LOC400499: variants seen among roughly 807,000 people sequenced by gnomAD.
the LOC400499 span, among the ~76,000 whole-genome samples, chr16:11,456,010 C>A: frequency 6.6e-6 from 1 of 150,844 alleles, no homozygotes. Flanking sequence ...AAAATAAAAA[C>A]TGAAAAAATG....
the LOC400499 span, among the ~76,000 whole-genome samples, chr16:11,413,953 G>A: frequency 3.2e-4 from 48 of 152,290 alleles, no homozygotes; most frequent in South Asian, 3.5e-3. Context: ...TGGTAAGGAC[G>A]GTGCCATCCT....
At chr16:11,498,996 T>C in the LOC400499 span, among the ~76,000 whole-genome samples, 1 of 139,252 alleles carries the variant, frequency 7.2e-6, no homozygotes, top group East Asian at 2.1e-4. Flanking sequence ...CCAGATGGGT[T>C]TGTGCTCTTA....
chr16:11,402,785 C>T, the LOC400499 span, among the ~76,000 whole-genome samples: 547 of 152,272 alleles, frequency 3.6e-3, 3 homozygotes, highest in African/African-American at 0.012. Flanking sequence ...CAAGGCGCCA[C>T]GCTTGCTTTA....
the LOC400499 span, among the ~76,000 whole-genome samples, chr16:11,507,779 C>T: frequency 6.6e-6 from 1 of 151,978 alleles, no homozygotes; most frequent in African/African-American, 2.4e-5. Flanking sequence ...AAAAAACACA[C>T]AAGAATTAGC....
At chr16:11,459,872 C>T in the LOC400499 span, 4 of 1,343,196 alleles carry the variant, frequency 3.0e-6, no homozygotes, top group Middle Eastern at 1.9e-4. Flanking sequence ...TGGGGCACGG[C>T]TCTGCCGCAG....
chr16:11,456,919 G>T, the LOC400499 span: 4 of 1,536,280 alleles, frequency 2.6e-6, no homozygotes, highest in Middle Eastern at 3.3e-4. Context: ...GCCACAAACA[G>T]CGGCCGCCCA....
At chr16:11,431,875 C>T in the LOC400499 span, among the ~76,000 whole-genome samples, 2 of 152,172 alleles carry the variant, frequency 1.3e-5, no homozygotes, top group Non-Finnish European at 2.9e-5. Flanking sequence ...GGCCTTGTGA[C>T]CTACGTTTTG....
chr16:11,439,584 G>A, the LOC400499 span: 3 of 399,052 alleles, frequency 7.5e-6, no homozygotes, highest in South Asian at 1.3e-4. Flanking sequence ...ACCGAGGCCT[G>A]TTGCAGGGAG....
the LOC400499 span, among the ~76,000 whole-genome samples, chr16:11,465,766 G>C: frequency 0.48 from 70,319 of 147,466 alleles, 17,461 homozygotes; most frequent in African/African-American, 0.55. Context: ...AAGAGAAGGC[G>C]GGGGGTGGGC....
At chr16:11,450,431 A>C in the LOC400499 span, among the ~76,000 whole-genome samples, 3 of 152,158 alleles carry the variant, frequency 2.0e-5, no homozygotes, top group Admixed American at 6.6e-5. Flanking sequence ...TTTAGGTCTA[A>C]TTCTTCTACG....
chr16:11,464,499 C>A, the LOC400499 span, among the ~76,000 whole-genome samples: 2 of 152,336 alleles, frequency 1.3e-5, no homozygotes, highest in Admixed American at 1.3e-4. Context: ...ACGACCCAAC[C>A]CCTGCACACT....
chr16:11,381,378 A>G, the LOC400499 span, among the ~76,000 whole-genome samples: 2 of 151,932 alleles, frequency 1.3e-5, no homozygotes, highest in African/African-American at 4.8e-5. Context: ...TGGGAGTACA[A>G]GTGTGAGCCA....
chr16:11,407,136 C>T, the LOC400499 span: 1 of 398,346 alleles, frequency 2.5e-6, no homozygotes, highest in African/African-American at 2.1e-5. Context: ...TTTCTTTTCT[C>T]AAAGGGCTGT....
the LOC400499 span, chr16:11,462,056 G>A: frequency 7.3e-7 from 1 of 1,363,446 alleles, no homozygotes; most frequent in Non-Finnish European, 9.6e-7. Context: ...GGAGGCACTT[G>A]GGCCACCACA....
the LOC400499 span, chr16:11,384,105 C>T: frequency 2.8e-5 from 34 of 1,226,376 alleles, no homozygotes; most frequent in East Asian, 9.5e-5. Flanking sequence ...AACCCTGGGC[C>T]TACGAAGTCC....
chr16:11,482,383 G>A, the LOC400499 span, among the ~76,000 whole-genome samples: 3 of 152,192 alleles, frequency 2.0e-5, no homozygotes, highest in African/African-American at 4.8e-5. Flanking sequence ...CATGCTCGCA[G>A]GTCTGCAGAA....
the LOC400499 span, among the ~76,000 whole-genome samples, chr16:11,500,019 G>A: frequency 6.6e-6 from 1 of 152,148 alleles, no homozygotes; most frequent in African/African-American, 2.4e-5. Context: ...TCCACATATC[G>A]TAGAAATTAT....
At chr16:11,466,240 G>A in the LOC400499 span, among the ~76,000 whole-genome samples, 1 of 152,172 alleles carries the variant, frequency 6.6e-6, no homozygotes, top group African/African-American at 2.4e-5. Context: ...AGGGGTGGGA[G>A]AGAGGTTTTG....
At chr16:11,522,121 C>CAG in the LOC400499 span, 3 of 398,314 alleles carry the variant, frequency 7.5e-6, no homozygotes, top group Middle Eastern at 1.3e-3. Flanking sequence ...CCCTGAAGGG[C>CAG]AGAGAGAGAG....
Sources: gnomAD v4.1 joint callset for allele counts (sites outside exome capture counted in the v4.1 genomes callset) on GRCh38, gnomAD v4.1.1 for gene constraint, MANE v1.5 for transcripts.